The following FCHSD2 variants were observed in gnomAD, a reference collection of about 807,000 sequenced individuals.
The protein encoded by FCHSD2 is FCH and double SH3 domains 2, also known as F-BAR and double SH3 domains protein 2.
In FCHSD2, 38 loss-of-function variants were observed where a neutral mutation model predicts 108.1. The ratio of observed to expected loss-of-function variants is 0.35; its 90% CI spans 0.27 to 0.46. The LOEUF (loss-of-function observed/expected upper bound fraction) is 0.46. Among genes scored for constraint, FCHSD2 ranks in the 20% least tolerant of loss-of-function variants. The pLI, the probability that FCHSD2 is intolerant of heterozygous loss-of-function variation, is 1.00. For missense variants in FCHSD2, 751 were observed against 897.8 expected, an observed-to-expected ratio of 0.84 and a Z score of 2.09; for synonymous variants, 279 against 314.7, an observed-to-expected ratio of 0.89 and a Z score of 1.20.
intron 5 of FCHSD2, among the ~76,000 whole-genome samples, chr11:72,996,096 A>T (rs1857514865): frequency 6.6e-6 from 1 of 152,188 alleles, no homozygotes; most frequent in Admixed American, 6.5e-5. Context: ...AAGAGAATTA[A>T]GTAGTCTACT....
At chr11:73,109,046 A>C (rs1451046610) in intron 2 of FCHSD2, among the ~76,000 whole-genome samples, 1 of 152,086 alleles carries the variant, frequency 6.6e-6, no homozygotes, top group Admixed American at 6.5e-5. Context: ...TTCACTGTAG[A>C]TGTATGGATT....
chr11:73,034,699 C>T (rs1858445572), intron 3 of FCHSD2, among the ~76,000 whole-genome samples: 1 of 152,164 alleles, frequency 6.6e-6, no homozygotes, highest in African/African-American at 2.4e-5. Flanking sequence ...TTTTTTTCAA[C>T]TTCAATAAAC....
chr11:73,019,504 A>G (rs1270728026), intron 3 of FCHSD2, among the ~76,000 whole-genome samples: 2 of 152,206 alleles, frequency 1.3e-5, no homozygotes, highest in African/African-American at 4.8e-5. Context: ...ATAAATTACA[A>G]TAGCAATTTC....
At chr11:73,117,161 T>C (rs530879197) in intron 2 of FCHSD2, among the ~76,000 whole-genome samples, 13 of 152,340 alleles carry the variant, frequency 8.5e-5, no homozygotes, top group Admixed American at 8.5e-4. Context: ...ACAAATACAT[T>C]CTACATGTAC....
At position 72,870,472 on chromosome 11, in the gene FCHSD2, G is replaced by T. The variant is rs61895229; in HGVS notation, c.1147-2446C>A. On this transcript the variant is annotated intron_variant, in intron 12 of 19. Transcript: ENST00000409418. Reference sequence around the variant, plus strand: ...GGCTCTACCAATTCTTTCAAGATTGGCTCTACCAATCTTGAAAGACTGCCA... The same window carrying T: ...GGCTCTACCAATTCTTTCAAGATTGTCTCTACCAATCTTGAAAGACTGCCA... Among the ~76,000 whole-genome samples the T allele has an allele frequency of 3.0e-3, 452 of 151,828 alleles. 2 individuals carry two copies. Among genetic ancestry groups the T allele is most frequent in the Non-Finnish European group, 5.5e-3 (371 of 67,900 alleles).
intron 2 of FCHSD2, among the ~76,000 whole-genome samples, chr11:73,118,136 T>G (rs1181426254): frequency 6.6e-6 from 1 of 151,818 alleles, no homozygotes; most frequent in Non-Finnish European, 1.5e-5. Context: ...CTGGCCAACA[T>G]GGTAACACCC....
At chr11:73,128,251 C>T (rs904404173) in intron 2 of FCHSD2, among the ~76,000 whole-genome samples, 1 of 152,114 alleles carries the variant, frequency 6.6e-6, no homozygotes, top group African/African-American at 2.4e-5. Context: ...ACTGGAGTTC[C>T]AGTGATAGCC....
intron 13 of FCHSD2, among the ~76,000 whole-genome samples, chr11:72,861,314 A>T (rs1306864202): frequency 1.3e-5 from 2 of 152,048 alleles, no homozygotes; most frequent in African/African-American, 4.8e-5. Flanking sequence ...AAAAGAGACA[A>T]CTTACCAAAG....
intron 5 of FCHSD2, among the ~76,000 whole-genome samples, chr11:72,989,573 G>C (rs997568428): frequency 3.3e-5 from 5 of 152,148 alleles, no homozygotes; most frequent in African/African-American, 4.8e-5. Context: ...GACTTGGTAA[G>C]TCCAAGGTGA....
chr11:73,108,655 G>A (rs1423321890), intron 2 of FCHSD2, among the ~76,000 whole-genome samples: 2 of 152,252 alleles, frequency 1.3e-5, no homozygotes, highest in African/African-American at 4.8e-5. Flanking sequence ...TGCAAGCTCC[G>A]CTTCCCGGGT....
In FCHSD2 at chr11:72,843,154, T is replaced by G; in HGVS notation, c.1702A>C (p.Ser568Arg). 3.1e-6 allele frequency: 5 copies of G among 1,613,830 alleles called. No homozygotes were observed. The highest frequency in any genetic ancestry group is 4.2e-6 in the Non-Finnish European group (5 of 1,179,736). Reference protein sequence around the residue: ...LVSGSLNGDASVCFVKALYDY... With the variant: ...LVSGSLNGDARVCFVKALYDY... Reference sequence around the variant, plus strand: ...AGTGCCTTGTTTCAGTCTTTACCACTGGCATCTCCGTTGAGGCTGCCTGAA... The same window carrying G: ...AGTGCCTTGTTTCAGTCTTTACCACGGGCATCTCCGTTGAGGCTGCCTGAA... Residue 568 changes from serine (S) to arginine (R), a missense_variant, in exon 16 of 20, where the codon AGT becomes CGT. Ser to Arg is a moderately radical substitution (Grantham distance 110, BLOSUM62 -1). Coordinates refer to ENST00000409418, the MANE Select transcript of FCHSD2 (RefSeq NM_014824.3).
rs79727431 is a variant in FCHSD2 at position 72,965,711 on chromosome 11, T to C, written c.705+18377A>G. Among the ~76,000 whole-genome samples the C allele has an allele frequency of 6.7e-3, 1,022 of 152,334 alleles. 9 individuals are homozygous for C. Among genetic ancestry groups the C allele is most frequent in the Non-Finnish European group, 0.01 (694 of 68,024 alleles). ...TCAGAAGGCACTCTTTCCCATTCTA[T>C]GTACACCCCTCACCCAAGATAACCA... On this transcript the variant is annotated intron_variant, in intron 8 of 19. Coordinates refer to ENST00000409418, the MANE Select transcript of FCHSD2 (RefSeq NM_014824.3).
At chr11:72,984,975 AATCC>A in intron 7 of FCHSD2, 83 bp downstream of exon 7, 1 of 629,344 alleles carries the variant, frequency 1.6e-6, no homozygotes, top group South Asian at 1.7e-5. Flanking sequence ...AGGTAGAAAT[AATCC>A]ACCTCCACCC....
At chr11:72,856,029 CAT>C (rs779976233) in intron 13 of FCHSD2, among the ~76,000 whole-genome samples, 27 of 152,202 alleles carry the variant, frequency 1.8e-4, no homozygotes, top group Non-Finnish European at 3.4e-4. Context: ...CATATTCAAA[CAT>C]ACAAAAGCAC....
At chr11:73,050,623 T>G (rs1858877105) in intron 3 of FCHSD2, among the ~76,000 whole-genome samples, 1 of 152,138 alleles carries the variant, frequency 6.6e-6, no homozygotes, top group African/African-American at 2.4e-5. Context: ...AGACATAAAC[T>G]AAGACTGCTG....
chr11:73,088,612 TA>T (rs1015997452), intron 2 of FCHSD2, among the ~76,000 whole-genome samples: 32 of 152,154 alleles, frequency 2.1e-4, no homozygotes, highest in African/African-American at 4.8e-4. Flanking sequence ...AAGTCCTTTT[TA>T]AAAAAAATGC....
chr11:73,051,204 G>C (rs187070125), intron 3 of FCHSD2, among the ~76,000 whole-genome samples: 1 of 152,200 alleles, frequency 6.6e-6, no homozygotes, highest in East Asian at 1.9e-4. Context: ...GCTGCCAGTG[G>C]TGTTGCATGC....
chr11:73,051,913 ACACC>A (rs1369754396), intron 3 of FCHSD2, among the ~76,000 whole-genome samples: 1 of 117,834 alleles, frequency 8.5e-6, no homozygotes, highest in Non-Finnish European at 1.8e-5. Flanking sequence ...ACACACACAC[ACACC>A]CCACACACAC....
At chr11:72,847,135 G>C (rs1486098580) in intron 14 of FCHSD2, among the ~76,000 whole-genome samples, 1 of 152,094 alleles carries the variant, frequency 6.6e-6, no homozygotes, top group South Asian at 2.1e-4. Flanking sequence ...TAGCTAGGAC[G>C]ATAGGCATGT....
Sources: gnomAD v4.1 joint callset for allele counts (sites outside exome capture counted in the v4.1 genomes callset) on GRCh38, gnomAD v4.1.1 for gene constraint, MANE v1.5 for transcripts, NCBI Gene and HGNC (gene_info 2026-07-23, HGNC 2026-07-21) for gene names.